ROBO1: variants seen among roughly 807,000 people sequenced by gnomAD.
ROBO1 encodes roundabout homolog 1.
In ROBO1, 149 loss-of-function variants were observed where a neutral mutation model predicts 195.9. The ratio of observed to expected loss-of-function variants is 0.76; its 90% CI spans 0.67 to 0.87. The LOEUF (loss-of-function observed/expected upper bound fraction) is 0.87, where lower values mean the gene tolerates loss of function less well. Among genes scored for constraint, ROBO1 ranks in the 40% least tolerant of loss-of-function variants. The pLI, the probability that ROBO1 is intolerant of heterozygous loss-of-function variation, is 0.00. For synonymous variants in ROBO1, 816 were observed against 733.2 expected (o/e 1.11, Z -1.82); for missense variants, 1,933 against 2,068.3 (o/e 0.93, Z 1.27).
At chr3:79,368,896 T>C (rs986168734) in intron 2 of ROBO1, among the ~76,000 whole-genome samples, 1 of 152,186 alleles carries the variant, frequency 6.6e-6, no homozygotes, top group Non-Finnish European at 1.5e-5. Flanking sequence ...AAAGAGTTTT[T>C]CAATAAAATT....
chr3:79,502,164 G>A (rs892682369), intron 2 of ROBO1, among the ~76,000 whole-genome samples: 4 of 152,216 alleles, frequency 2.6e-5, no homozygotes, highest in African/African-American at 9.6e-5. Flanking sequence ...CCGCGCTTGA[G>A]GAACCCTTCA....
At chr3:79,141,331 C>T (rs2080520394) in intron 2 of ROBO1, among the ~76,000 whole-genome samples, 1 of 152,160 alleles carries the variant, frequency 6.6e-6, no homozygotes, top group African/African-American at 2.4e-5. Flanking sequence ...GGACAAATTT[C>T]CTCTATCGTC....
intron 3 of ROBO1, among the ~76,000 whole-genome samples, chr3:78,971,702 G>C (rs1242643186): frequency 6.6e-6 from 1 of 152,110 alleles, no homozygotes; most frequent in Admixed American, 6.5e-5. Context: ...GTATGAGTTA[G>C]ATAAAAAATC....
intron 4 of ROBO1, among the ~76,000 whole-genome samples, chr3:78,931,446 A>G (rs1576419903): frequency 1.3e-5 from 2 of 152,006 alleles, no homozygotes; most frequent in East Asian, 3.9e-4. Context: ...GAGTTTCTCC[A>G]TGATGGTCAG....
chr3:79,681,408 G>T lies in ROBO1; in HGVS notation c.-51+86344C>A, dbSNP rs549400469. On this transcript the variant is annotated intron_variant, in intron 1 of 30. Transcript: ENST00000464233. ...AAAGAGCTTTCAGAGAAGCAGTTGAGTATATAGAGAATATTAAGGATAATG... is the reference window on the plus strand; with the variant it reads ...AAAGAGCTTTCAGAGAAGCAGTTGATTATATAGAGAATATTAAGGATAATG... 3.3e-5 allele frequency among the ~76,000 whole-genome samples: 5 copies of T among 152,100 alleles called. No individual in the cohort carries two copies. The East Asian group carries it at 7.8e-4, about 24-fold the overall frequency.
At chr3:78,813,781 T>C (rs1336694577) in intron 4 of ROBO1, among the ~76,000 whole-genome samples, 1 of 152,020 alleles carries the variant, frequency 6.6e-6, no homozygotes, top group Non-Finnish European at 1.5e-5. Flanking sequence ...TCTCAACTCT[T>C]TTCATAATAA....
At chr3:79,647,068 T>G (rs1945841013) in intron 1 of ROBO1, among the ~76,000 whole-genome samples, 1 of 152,102 alleles carries the variant, frequency 6.6e-6, no homozygotes, top group Admixed American at 6.6e-5. Context: ...ATTCAAATGT[T>G]TCTAGCATAA....
rs145665083 is a variant in ROBO1 at position 79,164,056 on chromosome 3, C to G, written c.89-38517G>C. Among the ~76,000 whole-genome samples, 178 of 152,170 alleles carry G rather than the reference C, an allele frequency of 1.2e-3. 1 individual carries two copies. In the Middle Eastern group the frequency reaches 0.02, roughly 17 times the overall value. Reference sequence around the variant, plus strand: ...GTGGAATTGTTTTATAAGGGGAGATCACAGTGAAATCCTCCAAAGGTCTCA... The same window carrying G: ...GTGGAATTGTTTTATAAGGGGAGATGACAGTGAAATCCTCCAAAGGTCTCA... On this transcript the variant is annotated intron_variant, in intron 2 of 30. Coordinates refer to ENST00000464233, the MANE Select transcript of ROBO1 (RefSeq NM_002941.4).
At chr3:79,549,595 T>C (rs904050253) in intron 2 of ROBO1, among the ~76,000 whole-genome samples, 1 of 152,192 alleles carries the variant, frequency 6.6e-6, no homozygotes, top group African/African-American at 2.4e-5. Context: ...GCATTTCTAT[T>C]ATATTAGGTA....
intron 2 of ROBO1, among the ~76,000 whole-genome samples, chr3:79,148,557 T>C (rs1000210788): frequency 2.0e-5 from 3 of 151,814 alleles, no homozygotes; most frequent in Non-Finnish European, 4.4e-5. Flanking sequence ...TTAGGCATGA[T>C]AGGAGAAATA....
chr3:78,909,476 T>C (rs1277730052), intron 4 of ROBO1, among the ~76,000 whole-genome samples: 1 of 151,796 alleles, frequency 6.6e-6, no homozygotes, highest in Admixed American at 6.6e-5. Flanking sequence ...GTTATTTTTC[T>C]GGGGGTAAAA....
chr3:79,109,636 G>A (rs186557438), intron 3 of ROBO1, among the ~76,000 whole-genome samples: 31 of 151,902 alleles, frequency 2.0e-4, no homozygotes, highest in African/African-American at 6.3e-4. Flanking sequence ...AATCTAAAGC[G>A]TTACACTTAA....
chr3:79,751,099 G>A (rs1704111643), intron 1 of ROBO1, among the ~76,000 whole-genome samples: 1 of 152,120 alleles, frequency 6.6e-6, no homozygotes, highest in African/African-American at 2.4e-5. Context: ...GGCTGACATC[G>A]TGTTAGTTTT....
chr3:78,865,428 T>G (rs2035107694), intron 4 of ROBO1, among the ~76,000 whole-genome samples: 1 of 152,064 alleles, frequency 6.6e-6, no homozygotes, highest in Admixed American at 6.6e-5. Context: ...TGTTCTAGTT[T>G]TAACCTAAGA....
chr3:79,150,714 A>G (rs548260231), intron 2 of ROBO1, among the ~76,000 whole-genome samples: 5 of 151,858 alleles, frequency 3.3e-5, no homozygotes, highest in Non-Finnish European at 7.4e-5. Flanking sequence ...AGAAAGAGCT[A>G]CAGGTTTACA....
At chr3:78,602,534 A>G (rs1444684745) in intron 29 of ROBO1, among the ~76,000 whole-genome samples, 1 of 152,118 alleles carries the variant, frequency 6.6e-6, no homozygotes. Flanking sequence ...TATTTCTTCT[A>G]CTGACCCTAG....
chr3:78,636,220 T>C, intron 22 of ROBO1, 112 bp from the exon 23 acceptor site: 1 of 710,746 alleles, frequency 1.4e-6, no homozygotes, highest in Middle Eastern at 4.0e-4. Flanking sequence ...AAAGTACAAG[T>C]GGGCTTAAAT....
chr3:78,669,549 C>G (rs767292437), intron 11 of ROBO1, among the ~76,000 whole-genome samples: 2 of 152,160 alleles, frequency 1.3e-5, no homozygotes. Context: ...GGATATGATG[C>G]CCTGTGAAAG....
intron 1 of ROBO1, among the ~76,000 whole-genome samples, chr3:79,651,943 GT>G (rs1481164705): frequency 6.6e-6 from 1 of 152,054 alleles, no homozygotes; most frequent in Non-Finnish European, 1.5e-5. Flanking sequence ...TCACAGTACA[GT>G]TCAACTTATC....
Sources: allele counts gnomAD v4.1 joint callset (sites outside exome capture counted in the v4.1 genomes callset), GRCh38; gene constraint gnomAD v4.1.1; transcripts MANE v1.5; gene names NCBI Gene and HGNC (gene_info 2026-07-23, HGNC 2026-07-21).